DISC1: variants seen among roughly 807,000 people sequenced by gnomAD.
The protein encoded by DISC1 is DISC1 scaffold protein.
In DISC1, 57 loss-of-function variants were observed where a neutral mutation model predicts 84.5. That is an observed-to-expected ratio of 0.67 (90% CI 0.55 to 0.84). The LOEUF is 0.84. Among genes scored for constraint, DISC1 ranks in the 40% least tolerant of loss-of-function variants. The pLI, the probability that DISC1 is intolerant of heterozygous loss-of-function variation, is 0.00. For synonymous variants in DISC1, 411 were observed against 415.2 expected, an observed-to-expected ratio of 0.99 and a Z score of 0.12; for missense variants, 1,000 against 1,057.8, an observed-to-expected ratio of 0.95 and a Z score of 0.76.
chr1:232,014,817 C>T (rs1037024561), intron 11 of DISC1, among the ~76,000 whole-genome samples: 2 of 152,152 alleles, frequency 1.3e-5, no homozygotes, highest in African/African-American at 4.8e-5. Flanking sequence ...TCAGCCTCCC[C>T]CTCTCTCTTA....
chr1:231,900,801 G>A (rs2088113064), intron 9 of DISC1, among the ~76,000 whole-genome samples: 1 of 152,168 alleles, frequency 6.6e-6, no homozygotes, highest in African/African-American at 2.4e-5. Flanking sequence ...GTCTTCTAAT[G>A]CCTACAGTAA....
At chr1:231,999,328 T>C (rs1330075628) in intron 10 of DISC1, among the ~76,000 whole-genome samples, 1 of 152,152 alleles carries the variant, frequency 6.6e-6, no homozygotes, top group Non-Finnish European at 1.5e-5. Context: ...AAAACATAGC[T>C]TCAGGGCTTC....
chr1:231,853,395 A>T (rs1274354812), intron 9 of DISC1, among the ~76,000 whole-genome samples: 1 of 152,218 alleles, frequency 6.6e-6, no homozygotes, highest in Non-Finnish European at 1.5e-5. Flanking sequence ...GGTGCAGCCT[A>T]TTGCTCCTAG....
chr1:231,818,275 G>A lies in DISC1; in HGVS notation c.1793-54G>A. The A allele has an allele frequency of 9.0e-6, 14 of 1,553,550 alleles. No individual in the cohort carries two copies. The South Asian group carries it at 1.4e-4, about 16-fold the overall frequency. ...TTAGCTGCTGCTAGATCTTCCATGT[G>A]TGTGGATGCTGTAAAGCTTGTTTTC... On this transcript the variant is annotated intron_variant, in intron 8 of 12. Transcript: ENST00000439617.
chr1:231,943,253 C>G (rs1048907584), intron 9 of DISC1, among the ~76,000 whole-genome samples: 1 of 152,264 alleles, frequency 6.6e-6, no homozygotes, highest in African/African-American at 2.4e-5. Context: ...TTGTTACTCA[C>G]AGTTCCCAAG....
rs144010832 is a variant in DISC1 at position 231,923,337 on chromosome 1, C to T, written c.1982-35491C>T. ...AAAAAAACAAAAAGAAAAAGAAATC[C>T]GTTTTCGCTGAGCCCTCCTGGCAGG... is the stretch of plus-strand genomic sequence containing the variant. On this transcript the variant is annotated intron_variant, in intron 9 of 12. Coordinates refer to ENST00000439617, the MANE Select transcript of DISC1 (RefSeq NM_018662.3). Among the ~76,000 whole-genome samples, 300 of 151,766 alleles carry T rather than the reference C, an allele frequency of 2.0e-3. 2 individuals carry two copies. The highest frequency in any genetic ancestry group is 6.8e-3 in the African/African-American group (283 of 41,398).
At chr1:231,986,379 A>G (rs747680055) in intron 10 of DISC1, among the ~76,000 whole-genome samples, 11 of 151,786 alleles carry the variant, frequency 7.2e-5, no homozygotes, top group Non-Finnish European at 1.6e-4. Flanking sequence ...GAAGTCAGAG[A>G]AATTGCACTC....
chr1:231,735,661 A>C (rs2072381377), intron 3 of DISC1, among the ~76,000 whole-genome samples: 1 of 152,222 alleles, frequency 6.6e-6, no homozygotes, highest in Non-Finnish European at 1.5e-5. Flanking sequence ...TTCATTTCCA[A>C]AGTGGGAGTA....
At chr1:231,722,452 T>C (rs1338934440) in intron 3 of DISC1, 8 of 1,595,182 alleles carry the variant, frequency 5.0e-6, no homozygotes, top group Non-Finnish European at 6.8e-6. Flanking sequence ...AGCATAAACA[T>C]CACAGTGCTT....
chr1:231,897,463 C>A lies in DISC1; in HGVS notation c.1982-61365C>A, dbSNP rs1385776432. On this transcript the variant is annotated intron_variant, in intron 9 of 12. Coordinates refer to ENST00000439617, the MANE Select transcript of DISC1 (RefSeq NM_018662.3). This position sits in a 1 kb window ranked among gnomAD's most constrained non-coding sequence, Gnocchi z 4.5. ...AGCATTTCAGTTATCATTTATGGAACAAGGCCAAAATATTTCTTTCACACA... is the reference window on the plus strand; with the variant it reads ...AGCATTTCAGTTATCATTTATGGAAAAAGGCCAAAATATTTCTTTCACACA... Among the ~76,000 whole-genome samples, 1 of 152,132 alleles carries A rather than the reference C, an allele frequency of 6.6e-6. No individual in the cohort carries two copies. Among genetic ancestry groups the A allele is most frequent in the Non-Finnish European group, 1.5e-5 (1 of 68,024 alleles).
chr1:232,017,600 C>T (rs993170168), intron 11 of DISC1, among the ~76,000 whole-genome samples: 3 of 151,314 alleles, frequency 2.0e-5, no homozygotes, highest in South Asian at 2.1e-4. Context: ...ATTACACAGC[C>T]GAAGGAAATA....
At chr1:231,929,669 A>G in intron 9 of DISC1, among the ~76,000 whole-genome samples, 1 of 152,348 alleles carries the variant, frequency 6.6e-6, no homozygotes, top group African/African-American at 2.4e-5. Context: ...ACTGTTCTGT[A>G]GTTAATTTGG....
chr1:231,661,000 G>GTCAGATATGA (rs2061520103), intron 1 of DISC1, among the ~76,000 whole-genome samples: 1 of 152,094 alleles, frequency 6.6e-6, no homozygotes, highest in Admixed American at 6.5e-5. Context: ...CTTCATTTAT[G>GTCAGATATGA]AACCTTAGTT....
At chr1:231,945,566 A>G (rs1657008206) in intron 9 of DISC1, among the ~76,000 whole-genome samples, 1 of 152,200 alleles carries the variant, frequency 6.6e-6, no homozygotes, top group African/African-American at 2.4e-5. Flanking sequence ...GAGAAGCAAG[A>G]GGAAACAAAT....
chr1:231,948,816 C>T (rs371773616), intron 9 of DISC1, among the ~76,000 whole-genome samples: 27 of 146,186 alleles, frequency 1.8e-4, no homozygotes, highest in African/African-American at 6.3e-4. Flanking sequence ...AAGGGCTATT[C>T]TAGATTGAAG....
chr1:231,950,767 T>C (rs1658224185), intron 9 of DISC1, among the ~76,000 whole-genome samples: 1 of 152,220 alleles, frequency 6.6e-6, no homozygotes, highest in African/African-American at 2.4e-5. Flanking sequence ...TACCTGGGCT[T>C]TATCTACTAT....
Position 231,720,827 on chromosome 1 carries a change from G to A in DISC1, c.1117+18803G>A, listed in dbSNP as rs114181686. On this transcript the variant is annotated intron_variant, in intron 3 of 12. Transcript: ENST00000439617. ...TGGTTCTGAGCAGCAGGTAGGAAAC[G>A]TGTTGTCGTTTCGTTTACAGGTTTG... The A allele has an allele frequency of 8.0e-4, 1,026 of 1,290,046 alleles. 2 individuals are homozygous for A. Among genetic ancestry groups the A allele is most frequent in the Middle Eastern group, 8.5e-4 (4 of 4,696 alleles). The allele number at this position is 1,290,046 out of a possible 1,614,324, so 79.9% of individuals were successfully genotyped here.
rs901344298 is a variant in DISC1, at chr1:231,801,652, A to G, written c.1792+1442A>G. On this transcript the variant is annotated intron_variant, in intron 8 of 12. Coordinates refer to ENST00000439617, the MANE Select transcript of DISC1 (RefSeq NM_018662.3). ...CTTTGGTGGACCGGCCTTTCAGTCA[A>G]TGGGCTGTCCCCATAGGTGATACTA... 4.6e-5 allele frequency among the ~76,000 whole-genome samples: 7 copies of G among 152,128 alleles called. No homozygotes were observed. The East Asian group carries it at 7.7e-4, about 17-fold the overall frequency.
At chr1:231,816,626 T>C (rs561915867) in intron 8 of DISC1, among the ~76,000 whole-genome samples, 1 of 152,344 alleles carries the variant, frequency 6.6e-6, no homozygotes, top group East Asian at 1.9e-4. Flanking sequence ...ATTTTTTCCA[T>C]GTAGATAGCT....
Sources: allele counts gnomAD v4.1 joint callset (sites outside exome capture counted in the v4.1 genomes callset), GRCh38; gene constraint gnomAD v4.1.1; non-coding constraint Gnocchi (gnomAD v3.1); transcripts MANE v1.5; gene names NCBI Gene and HGNC (gene_info 2026-07-23, HGNC 2026-07-21).